GON4L: variants seen among roughly 807,000 people sequenced by gnomAD.
GON4L encodes the protein GON-4-like protein.
GON4L carries 87 observed loss-of-function variants against 211.8 expected under a neutral mutation model. That is an observed-to-expected ratio of 0.41 (90% CI 0.35 to 0.49). The LOEUF (loss-of-function observed/expected upper bound fraction) is 0.49, where lower values mean the gene tolerates loss of function less well. Ranked by LOEUF, GON4L falls within the 20% of genes least tolerant of loss-of-function variation. The pLI is 0.15. For synonymous variants in GON4L, 875 were observed against 962.6 expected (o/e 0.91, Z 1.68); for missense variants, 2,155 against 2,659.5 (o/e 0.81, Z 4.17).
intron 2 of GON4L, among the ~76,000 whole-genome samples, chr1:155,838,615 A>T (rs1453757311): frequency 6.6e-6 from 1 of 152,050 alleles, no homozygotes. Context: ...TGGCTACTAA[A>T]AATACAAAAA....
chr1:155,798,487 G>A (rs1406068891), intron 11 of GON4L, among the ~76,000 whole-genome samples: 1 of 143,676 alleles, frequency 7.0e-6, no homozygotes, highest in South Asian at 2.2e-4. Flanking sequence ...TCGGCTCGCT[G>A]CAAGCTCTGC....
chr1:155,795,541 T>G (rs1293821531), intron 11 of GON4L, among the ~76,000 whole-genome samples: 1 of 152,238 alleles, frequency 6.6e-6, no homozygotes, highest in Non-Finnish European at 1.5e-5. Context: ...ATAGTACAGG[T>G]TGAGCATTCC....
intron 3 of GON4L, among the ~76,000 whole-genome samples, chr1:155,824,434 C>CAAAAA (rs769823401): frequency 6.7e-4 from 5 of 7,440 alleles, no homozygotes; most frequent in Admixed American, 1.7e-3. Context: ...AACTCCACAT[C>CAAAAA]AAAAAAAAAA....
intron 2 of GON4L, among the ~76,000 whole-genome samples, chr1:155,842,315 G>C (rs2102419734): frequency 6.6e-6 from 1 of 152,052 alleles, no homozygotes; most frequent in South Asian, 2.1e-4. Context: ...ACGAGATCAG[G>C]AGATGGAGAC....
chr1:155,845,999 C>T (rs1671199033), intron 2 of GON4L: 2 of 206,720 alleles, frequency 9.7e-6, no homozygotes, highest in African/African-American at 4.6e-5. Flanking sequence ...CAGAAGCTAC[C>T]TGGAAAAAGT....
intron 1 of GON4L, among the ~76,000 whole-genome samples, chr1:155,856,556 C>G (rs1406023991): frequency 6.6e-6 from 1 of 152,064 alleles, no homozygotes; most frequent in Non-Finnish European, 1.5e-5. Context: ...TTTAAACCTC[C>G]CTTCTGTTTC....
intron 7 of GON4L, 72 bp downstream of exon 7, chr1:155,816,140 A>C: frequency 1.3e-6 from 1 of 774,536 alleles, no homozygotes; most frequent in South Asian, 1.5e-5. Flanking sequence ...AAAGTTAAAG[A>C]GGAAGTACTT....
intron 12 of GON4L, among the ~76,000 whole-genome samples, chr1:155,785,648 C>A (rs1257151285): frequency 6.6e-6 from 1 of 152,058 alleles, no homozygotes; most frequent in Non-Finnish European, 1.5e-5. Flanking sequence ...TGCCACCATG[C>A]CTGGCTAATT....
chr1:155,785,900 T>A (rs1424359233), intron 12 of GON4L, among the ~76,000 whole-genome samples: 1 of 152,106 alleles, frequency 6.6e-6, no homozygotes, highest in African/African-American at 2.4e-5. Context: ...ATTGAGACCA[T>A]CCTAGCTAAC....
chr1:155,802,516 C>T (rs1294939519), intron 11 of GON4L, among the ~76,000 whole-genome samples: 2 of 152,140 alleles, frequency 1.3e-5, no homozygotes, highest in Non-Finnish European at 2.9e-5. Flanking sequence ...AAAAATCTTT[C>T]CAAGGTCCAT....
intron 1 of GON4L, among the ~76,000 whole-genome samples, chr1:155,856,737 A>T (rs1311208627): frequency 6.6e-6 from 1 of 152,094 alleles, no homozygotes; most frequent in East Asian, 1.9e-4. Flanking sequence ...TTTCACAGAT[A>T]ATTACTGAGA....
intron 14 of GON4L, among the ~76,000 whole-genome samples, chr1:155,782,646 C>A (rs1664532927): frequency 6.6e-6 from 1 of 151,974 alleles, no homozygotes; most frequent in Admixed American, 6.6e-5. Context: ...TAAATTATTT[C>A]TATACTTTAC....
Position 155,806,168 on chromosome 1 carries a change from T to G in GON4L, c.1453-1027A>C, listed in dbSNP as rs542275423. On this transcript the variant is annotated intron_variant, in intron 10 of 31. Transcript: ENST00000368331. Reference sequence around the variant, plus strand: ...ATGCTCGGCTAATTTTTTTTTTTTTTTTTAGATGGAGTCTTGCTCTGTCAC... The same window carrying G: ...ATGCTCGGCTAATTTTTTTTTTTTTGTTTAGATGGAGTCTTGCTCTGTCAC... 1.1e-4 allele frequency among the ~76,000 whole-genome samples: 17 copies of G among 151,494 alleles called. No individual in the cohort carries two copies. In the East Asian group the frequency reaches 2.3e-3, roughly 21 times the overall value.
At chr1:155,757,369 T>C in intron 25 of GON4L, 46 bp from the exon 26 acceptor site, 1 of 1,568,562 alleles carries the variant, frequency 6.4e-7, no homozygotes, top group Non-Finnish European at 8.7e-7. Context: ...AGAGCCTCTC[T>C]AGGCTGCCCT....
intron 10 of GON4L, among the ~76,000 whole-genome samples, chr1:155,812,457 G>GA (rs893779402): frequency 2.0e-5 from 3 of 151,002 alleles, no homozygotes; most frequent in Non-Finnish European, 2.9e-5. Flanking sequence ...GCTGAATAGG[G>GA]AAAAAAAAAT....
At chr1:155,761,555 G>C (rs920500019) in intron 23 of GON4L, among the ~76,000 whole-genome samples, 3 of 150,314 alleles carry the variant, frequency 2.0e-5, no homozygotes, top group Non-Finnish European at 3.0e-5. Flanking sequence ...GAGTGCAGTG[G>C]TGCGATCTCG....
chr1:155,841,107 T>C (rs557493857), intron 2 of GON4L, among the ~76,000 whole-genome samples: 1 of 152,268 alleles, frequency 6.6e-6, no homozygotes, highest in South Asian at 2.1e-4. Flanking sequence ...TGCCTCTATA[T>C]GAATTAATAT....
intron 11 of GON4L, among the ~76,000 whole-genome samples, chr1:155,803,100 T>C (rs1666826065): frequency 6.6e-6 from 1 of 152,178 alleles, no homozygotes; most frequent in Non-Finnish European, 1.5e-5. Flanking sequence ...ATAAAGAAAG[T>C]ACTCAAACAT....
intron 28 of GON4L, among the ~76,000 whole-genome samples, chr1:155,753,643 C>G (rs1462767556): frequency 1.3e-5 from 2 of 152,122 alleles, no homozygotes; most frequent in African/African-American, 4.8e-5. Flanking sequence ...GGTTCAAGAT[C>G]AGCCTGGGTA....
Sources: allele counts gnomAD v4.1 joint callset (sites outside exome capture counted in the v4.1 genomes callset), GRCh38; gene constraint gnomAD v4.1.1; transcripts MANE v1.5; gene names NCBI Gene and HGNC (gene_info 2026-07-23, HGNC 2026-07-21).